The following OXCT1 variants were observed in gnomAD, a reference collection of about 807,000 sequenced individuals.
The protein encoded by OXCT1 is succinyl-CoA:3-ketoacid coenzyme A transferase 1, mitochondrial.
OXCT1 carries 27 observed loss-of-function variants against 69.6 expected under a neutral mutation model. That is an observed-to-expected ratio of 0.39 (90% CI 0.29 to 0.54). The LOEUF (loss-of-function observed/expected upper bound fraction) is 0.54, where lower values mean the gene tolerates loss of function less well. Among genes scored for constraint, OXCT1 ranks in the 20% least tolerant of loss-of-function variants. The probability of loss-of-function intolerance (pLI) is 0.72; values close to 1 mark genes in which losing one functional copy is unlikely to be tolerated. For synonymous variants in OXCT1, 202 were observed against 217.8 expected (o/e 0.93, Z 0.64); for missense variants, 437 against 650.2 (o/e 0.67, Z 3.57).
intron 4 of OXCT1, 91 bp from the exon 5 acceptor site, chr5:41,850,270 G>C: frequency 7.1e-7 from 1 of 1,410,586 alleles, no homozygotes; most frequent in Non-Finnish European, 9.9e-7. Context: ...ACTATCTAGA[G>C]GCTTATAATT....
rs772054229 is a variant in OXCT1 at position 41,731,413 on chromosome 5, C to T, written c.*316G>A. 3 of 1,058,192 alleles carry T rather than the reference C, an allele frequency of 2.8e-6. No individual in the cohort carries two copies. Among genetic ancestry groups the T allele is most frequent in the Non-Finnish European group, 2.3e-6 (2 of 868,714 alleles). The allele number at this position is 1,058,192 out of a possible 1,614,324, so 65.6% of individuals were successfully genotyped here. A position where few individuals can be genotyped will look rare whatever the true frequency, so the allele number is the denominator to read the frequency against. On this transcript the variant is annotated 3_prime_UTR_variant, in exon 17 of 17. Transcript: ENST00000196371. ...AGGAAAGCCACATCAATTTCTAGGGCCCTTCTTGGGGAAAGGTTCATATAA... is the reference window on the plus strand; with the variant it reads ...AGGAAAGCCACATCAATTTCTAGGGTCCTTCTTGGGGAAAGGTTCATATAA...
intron 4 of OXCT1, among the ~76,000 whole-genome samples, chr5:41,851,741 T>C (rs1749184124): frequency 6.6e-6 from 1 of 152,078 alleles, no homozygotes; most frequent in Non-Finnish European, 1.5e-5. Context: ...ATATTAATGA[T>C]GTACGTACTT....
chr5:41,846,275 T>TC (rs1209432637), intron 5 of OXCT1, among the ~76,000 whole-genome samples: 4 of 92,512 alleles, frequency 4.3e-5, no homozygotes, highest in Non-Finnish European at 8.3e-5. Context: ...ATGCTATCCC[T>TC]CCCCCCTCCC....
chr5:41,807,494 A>T, intron 7 of OXCT1, 56 bp from the exon 8 acceptor site: 2 of 996,168 alleles, frequency 2.0e-6, no homozygotes, highest in African/African-American at 3.2e-5. Context: ...GAACATTTTT[A>T]ATTTTTTAAA....
rs966843859 is a variant in OXCT1, at chr5:41,788,363, A to G, written c.1248+5640T>C. 9.2e-5 allele frequency among the ~76,000 whole-genome samples: 14 copies of G among 152,300 alleles called. No homozygotes were observed. The East Asian group carries it at 9.6e-4, about 10-fold the overall frequency. On this transcript the variant is annotated intron_variant, in intron 13 of 16. Transcript: ENST00000196371. Reference sequence around the variant, plus strand: ...TATCCTGATAGATTTAAACCCAACCATATTGATGACTACATTAATTGTAAA... The same window carrying G: ...TATCCTGATAGATTTAAACCCAACCGTATTGATGACTACATTAATTGTAAA...
At chr5:41,803,565 G>A (rs1047535646) in intron 9 of OXCT1, among the ~76,000 whole-genome samples, 5 of 151,914 alleles carry the variant, frequency 3.3e-5, no homozygotes, top group East Asian at 1.9e-4. Context: ...GTTTTTCATC[G>A]TCTTTATTGA....
intron 1 of OXCT1, among the ~76,000 whole-genome samples, chr5:41,867,623 G>A (rs1343034285): frequency 6.6e-6 from 1 of 152,172 alleles, no homozygotes; most frequent in East Asian, 1.9e-4. Context: ...AGTGATAGAA[G>A]AACAAAACAA....
intron 7 of OXCT1, among the ~76,000 whole-genome samples, chr5:41,812,184 G>GA (rs1056547238): frequency 8.6e-5 from 13 of 151,736 alleles, no homozygotes; most frequent in African/African-American, 2.9e-4. Flanking sequence ...AAATTTTGAG[G>GA]AAAAAAATGA....
intron 13 of OXCT1, among the ~76,000 whole-genome samples, chr5:41,774,190 C>T (rs917179363): frequency 6.6e-6 from 1 of 152,194 alleles, no homozygotes; most frequent in Non-Finnish European, 1.5e-5. Context: ...GTTGATACCA[C>T]CTTGAGACCG....
intron 13 of OXCT1, among the ~76,000 whole-genome samples, chr5:41,769,383 A>G (rs1744771262): frequency 6.6e-6 from 1 of 151,976 alleles, no homozygotes; most frequent in South Asian, 2.1e-4. Context: ...GATTTCTCAC[A>G]TCTGTTCTGA....
intron 14 of OXCT1, among the ~76,000 whole-genome samples, chr5:41,759,920 C>T (rs1439726505): frequency 6.6e-6 from 1 of 152,088 alleles, no homozygotes; most frequent in Non-Finnish European, 1.5e-5. Context: ...ACTTTACTCC[C>T]ATGTCTTACA....
chr5:41,806,262 A>G (rs1357301723), intron 8 of OXCT1, among the ~76,000 whole-genome samples: 1 of 151,952 alleles, frequency 6.6e-6, no homozygotes, highest in Admixed American at 6.6e-5. Flanking sequence ...GGCCCCTGAC[A>G]CTGGTTTTGT....
chr5:41,768,277 A>G (rs1001257812), intron 13 of OXCT1, among the ~76,000 whole-genome samples: 6 of 152,184 alleles, frequency 3.9e-5, no homozygotes, highest in African/African-American at 1.4e-4. Flanking sequence ...AAAACCTTGC[A>G]AGAACAATCC....
chr5:41,840,834 A>T (rs1054591121), intron 6 of OXCT1, among the ~76,000 whole-genome samples: 2 of 152,230 alleles, frequency 1.3e-5, no homozygotes, highest in African/African-American at 4.8e-5. Context: ...ATTTCCCTTA[A>T]TCTTTTAACA....
intron 7 of OXCT1, among the ~76,000 whole-genome samples, chr5:41,835,583 AAGC>A (rs1297431594): frequency 6.6e-6 from 1 of 152,246 alleles, no homozygotes; most frequent in Admixed American, 6.5e-5. Flanking sequence ...CGTATCATCT[AAGC>A]AATTCTTTTA....
chr5:41,870,422 C>CT lies in OXCT1; in HGVS notation c.-65dup, dbSNP rs1561144726. The CT allele has an allele frequency of 7.8e-7, 1 of 1,284,056 alleles. No homozygotes were observed. The highest frequency in any genetic ancestry group is 2.4e-5 in the East Asian group (1 of 42,388). 79.5% of individuals were successfully genotyped at this position (1,284,056 alleles called of 1,614,324 possible). ...CGCGCGTTTGAGCGTCGGTGCGCGA[C>CT]TGCGAAGGAAACCCGGGCGGGCTGG... On this transcript the variant is annotated 5_prime_UTR_variant, in exon 1 of 17. Transcript: ENST00000196371. This position sits in a 1 kb window ranked among gnomAD's most constrained non-coding sequence, Gnocchi z 4.2.
chr5:41,737,174 C>T (rs554543117), intron 16 of OXCT1, among the ~76,000 whole-genome samples: 1 of 152,182 alleles, frequency 6.6e-6, no homozygotes, highest in African/African-American at 2.4e-5. Flanking sequence ...GATACCATAC[C>T]TTTTCATTCT....
At position 41,839,603 on chromosome 5, in the gene OXCT1, TC is replaced by T. The variant is rs534685637; in HGVS notation, c.732+847del. ...TCATTTTCCAAGAAAGGAACAAAAC[TC>T]TAACATTTGATTGTTTCAAAATACA... On this transcript the variant is annotated intron_variant, in intron 7 of 16. Coordinates refer to ENST00000196371, the MANE Select transcript of OXCT1 (RefSeq NM_000436.4). Among the ~76,000 whole-genome samples, 8 of 152,306 alleles carry T rather than the reference TC, an allele frequency of 5.3e-5. No individual in the cohort carries two copies. The South Asian group carries it at 1.7e-3, about 32-fold the overall frequency.
In OXCT1 at chr5:41,731,732, AT is replaced by A. The variant is rs1742639895; in HGVS notation, c.1559del (p.Asn520IlefsTer50). On this transcript the variant is annotated frameshift_variant, in exon 17 of 17. Transcript: ENST00000196371. LOFTEE classifies it high-confidence loss of function. ...GCCTGGTACAAATATCCATATTTCA[AT>A]TTGCGATCTGCTGCATTGGCATGAG... ...PKLMPMQQIA[N>X] is the part of the protein sequence containing the mutation. 3.7e-6 allele frequency: 6 copies of A among 1,608,502 alleles called. No individual in the cohort carries two copies. The highest frequency in any genetic ancestry group is 5.1e-6 in the Non-Finnish European group (6 of 1,177,236).
Sources: allele counts gnomAD v4.1 joint callset (sites outside exome capture counted in the v4.1 genomes callset), GRCh38; gene constraint gnomAD v4.1.1; non-coding constraint Gnocchi (gnomAD v3.1); transcripts MANE v1.5; gene names NCBI Gene and HGNC (gene_info 2026-07-23, HGNC 2026-07-21).